Variants in PCDHA11 observed in about 807,000 individuals in gnomAD.
The protein encoded by PCDHA11 is protocadherin alpha-11.
In PCDHA11, 61 loss-of-function variants were observed where a neutral mutation model predicts 70.3. The observed-to-expected ratio is 0.87, with a 90% CI of 0.71 to 1.07. The LOEUF is 1.07. Among genes scored for constraint, PCDHA11 ranks in the 50% least tolerant of loss-of-function variants. The pLI is 0.00. For missense variants in PCDHA11, 1,324 were observed against 1,237.5 expected (o/e 1.07, Z -1.05); for synonymous variants, 633 against 555.1 (o/e 1.14, Z -1.97).
chr5:140,962,248 A>G (rs782618740), intron 1 of PCDHA11, among the ~76,000 whole-genome samples: 5 of 152,182 alleles, frequency 3.3e-5, no homozygotes, highest in Non-Finnish European at 5.9e-5. Context: ...ATTTTCTTCA[A>G]TGAAAAATAA....
intron 3 of PCDHA11, among the ~76,000 whole-genome samples, chr5:140,998,895 A>G (rs545479952): frequency 1.3e-4 from 20 of 152,354 alleles, no homozygotes; most frequent in Non-Finnish European, 1.8e-4. Flanking sequence ...ATAAATAACA[A>G]TGCCTCCGGG....
intron 1 of PCDHA11, among the ~76,000 whole-genome samples, chr5:140,892,860 T>C (rs1554185404): frequency 6.6e-6 from 1 of 152,158 alleles, no homozygotes; most frequent in Non-Finnish European, 1.5e-5. Flanking sequence ...ATTCCTCCTG[T>C]GTAGCTATAA....
At chr5:140,916,933 A>G (rs1554197692) in intron 1 of PCDHA11, among the ~76,000 whole-genome samples, 3 of 152,162 alleles carry the variant, frequency 2.0e-5, no homozygotes, top group Non-Finnish European at 4.4e-5. Context: ...ACTTAAGCAT[A>G]TAGTGGTGAG....
chr5:140,972,201 G>A (rs1554233905), intron 1 of PCDHA11, among the ~76,000 whole-genome samples: 1 of 152,058 alleles, frequency 6.6e-6, no homozygotes, highest in African/African-American at 2.4e-5. Flanking sequence ...GAGTATAGGT[G>A]TGAATATGGC....
intron 1 of PCDHA11, among the ~76,000 whole-genome samples, chr5:140,951,224 A>G (rs539647356): frequency 3.2e-4 from 49 of 151,938 alleles, no homozygotes; most frequent in Non-Finnish European, 6.9e-4. Context: ...TGGATTCTTG[A>G]TGGTCTTTAC....
chr5:140,871,044 A>G lies in PCDHA11; in HGVS notation c.1941A>G (p.Leu647=). The G allele has an allele frequency of 6.2e-7, 1 of 1,613,304 alleles. No homozygotes were observed. Among genetic ancestry groups the G allele is most frequent in the Non-Finnish European group, 8.5e-7 (1 of 1,179,846 alleles). The part of the protein sequence containing the change: ...DEADSPRHRL[L]VLVKDHGEPA... ...CAGACTCGCCGCGCCACCGACTTCT[A>G]GTACTGGTGAAGGATCACGGTGAGC... Residue 647 remains leucine, a synonymous_variant, in exon 1 of 4, where the codon CTA becomes CTG. Coordinates refer to ENST00000398640, the MANE Select transcript of PCDHA11 (RefSeq NM_018902.5).
At position 140,968,504 on chromosome 5, in the gene PCDHA11, C is replaced by T. The variant is rs147528189; in HGVS notation, c.2392-10445C>T. 58 of 1,614,064 alleles carry T rather than the reference C, an allele frequency of 3.6e-5. No individual in the cohort carries two copies. In the African/African-American group the frequency reaches 6.7e-4, roughly 19 times the overall value. ...CATGAATGACCATGCCCCTCACATT[C>T]TGTACCCTACCTCAACCAACTCGTC... On this transcript the variant is annotated intron_variant, in intron 1 of 3. Transcript: ENST00000398640.
At chr5:140,915,710 C>T (rs2077269471) in intron 1 of PCDHA11, among the ~76,000 whole-genome samples, 1 of 151,918 alleles carries the variant, frequency 6.6e-6, no homozygotes, top group South Asian at 2.1e-4. Flanking sequence ...ACTCCTGTGG[C>T]CCCCACTTTG....
At chr5:140,993,509 CGGGGAGAG>C (rs2097568152) in intron 3 of PCDHA11, among the ~76,000 whole-genome samples, 1 of 143,490 alleles carries the variant, frequency 7.0e-6, no homozygotes, top group Non-Finnish European at 1.5e-5. Flanking sequence ...CACACACACA[CGGGGAGAG>C]AGAGACAGAG....
intron 1 of PCDHA11, among the ~76,000 whole-genome samples, chr5:140,891,205 A>G (rs561238636): frequency 3.3e-5 from 5 of 152,120 alleles, no homozygotes; most frequent in African/African-American, 1.2e-4. Context: ...CAGTTTTACC[A>G]TGCTGTGTCT....
chr5:140,898,737 G>T (rs2066951107), intron 1 of PCDHA11, among the ~76,000 whole-genome samples: 1 of 152,102 alleles, frequency 6.6e-6, no homozygotes, highest in African/African-American at 2.4e-5. Flanking sequence ...AAAGTCATTG[G>T]TAGCTTGATG....
chr5:140,908,399 C>T (rs180728730), intron 1 of PCDHA11, among the ~76,000 whole-genome samples: 51 of 152,258 alleles, frequency 3.3e-4, no homozygotes, highest in African/African-American at 9.9e-4. Flanking sequence ...ACATATATAC[C>T]ACTTCCATTT....
chr5:140,912,227 C>T (rs1422799663), intron 1 of PCDHA11, among the ~76,000 whole-genome samples: 1 of 151,784 alleles, frequency 6.6e-6, no homozygotes, highest in Non-Finnish European at 1.5e-5. Flanking sequence ...TTTCCCAGTC[C>T]ACTGACTCAA....
intron 1 of PCDHA11, among the ~76,000 whole-genome samples, chr5:140,908,888 C>T (rs2074210125): frequency 1.3e-5 from 2 of 152,122 alleles, no homozygotes; most frequent in African/African-American, 4.8e-5. Flanking sequence ...CCAATAGTCC[C>T]AAATAAGCCT....
intron 1 of PCDHA11, among the ~76,000 whole-genome samples, chr5:140,906,717 T>G (rs566025860): frequency 6.6e-6 from 1 of 152,320 alleles, no homozygotes; most frequent in African/African-American, 2.4e-5. Context: ...CTGCCTGGAT[T>G]GTGCTGTTGT....
chr5:140,885,870 A>T (rs1302417773), intron 1 of PCDHA11, among the ~76,000 whole-genome samples: 1 of 152,162 alleles, frequency 6.6e-6, no homozygotes, highest in African/African-American at 2.4e-5. Context: ...TATTGAAAAA[A>T]AATTTTTAGT....
chr5:140,903,498 T>C (rs1205249543), intron 1 of PCDHA11, among the ~76,000 whole-genome samples: 2 of 152,320 alleles, frequency 1.3e-5, no homozygotes, highest in East Asian at 1.9e-4. Context: ...GCAGGTACCA[T>C]AGATAATAGT....
chr5:140,977,518 G>C (rs1328241179), intron 1 of PCDHA11, among the ~76,000 whole-genome samples: 5 of 152,166 alleles, frequency 3.3e-5, no homozygotes, highest in African/African-American at 7.2e-5. Context: ...TTGTGAACTT[G>C]AAAACAAAGG....
chr5:140,938,124 A>G (rs2091929948), intron 1 of PCDHA11, among the ~76,000 whole-genome samples: 1 of 152,076 alleles, frequency 6.6e-6, no homozygotes, highest in South Asian at 2.1e-4. Flanking sequence ...TTTTTTTAAA[A>G]AAATAGAGAT....
Sources: gnomAD v4.1 joint callset for allele counts (sites outside exome capture counted in the v4.1 genomes callset) on GRCh38, gnomAD v4.1.1 for gene constraint, MANE v1.5 for transcripts, NCBI Gene and HGNC (gene_info 2026-07-23, HGNC 2026-07-21) for gene names.